Variants in SLA observed in about 807,000 individuals in gnomAD.
The protein encoded by SLA is Src like adaptor.
Under a neutral mutation model 30.3 loss-of-function variants are expected in SLA, and 16 were observed. The observed-to-expected ratio is 0.53, with a 90% confidence interval of 0.36 to 0.80. SLA has a LOEUF of 0.80. Ranked by LOEUF, SLA falls within the 30% of genes least tolerant of loss-of-function variation. The pLI is 0.01. For missense variants in SLA, 310 were observed against 345.2 expected, an observed-to-expected ratio of 0.90 and a Z score of 0.81; for synonymous variants, 143 against 137.8, an observed-to-expected ratio of 1.04 and a Z score of -0.26.
chr8:133,042,886 G>T (rs1014267726), intron 7 of SLA, among the ~76,000 whole-genome samples: 1 of 151,512 alleles, frequency 6.6e-6, no homozygotes, highest in African/African-American at 2.4e-5. Flanking sequence ...TGCAGACAGG[G>T]TTTCACCATG....
At chr8:133,052,726 G>GA (rs1215653047) in intron 3 of SLA, among the ~76,000 whole-genome samples, 5 of 152,116 alleles carry the variant, frequency 3.3e-5, no homozygotes, top group African/African-American at 7.2e-5. Context: ...TCCTCTTTAA[G>GA]AAAAAAATAC....
At chr8:133,045,295 A>G (rs1839114242) in intron 6 of SLA, among the ~76,000 whole-genome samples, 180 bp from the exon 7 acceptor site, 1 of 151,124 alleles carries the variant, frequency 6.6e-6, no homozygotes. Flanking sequence ...GCTTCCCGTT[A>G]GAGACTGCAG....
chr8:133,047,964 C>T (rs374634120), intron 5 of SLA, 31 bp from the exon 6 acceptor site: 53 of 1,374,864 alleles, frequency 3.9e-5, no homozygotes, highest in Middle Eastern at 5.0e-4. Flanking sequence ...CATTAGGATC[C>T]GGAACAAGCC....
chr8:133,087,085 C>T (rs1846695796), intron 1 of SLA, among the ~76,000 whole-genome samples: 1 of 75,866 alleles, frequency 1.3e-5, no homozygotes, highest in African/African-American at 4.7e-5. Flanking sequence ...CACACACACA[C>T]ACACACACAC....
intron 2 of SLA, among the ~76,000 whole-genome samples, chr8:133,066,182 C>T (rs150252764): frequency 2.0e-5 from 3 of 151,916 alleles, no homozygotes; most frequent in African/African-American, 4.8e-5. Flanking sequence ...ATAAATTAGC[C>T]GGGCGTGGTG....
chr8:133,099,889 C>T (rs1428874730), intron 1 of SLA, among the ~76,000 whole-genome samples: 1 of 152,192 alleles, frequency 6.6e-6, no homozygotes, highest in African/African-American at 2.4e-5. Flanking sequence ...TGCTAGCCCC[C>T]AACTCTCTCT....
At chr8:133,054,351 A>C (rs1235959638) in intron 3 of SLA, among the ~76,000 whole-genome samples, 1 of 152,200 alleles carries the variant, frequency 6.6e-6, no homozygotes, top group East Asian at 1.9e-4. Flanking sequence ...TTTTCGGGAA[A>C]GAGAATGGGG....
intron 1 of SLA, among the ~76,000 whole-genome samples, chr8:133,089,149 C>A (rs1181171092): frequency 6.6e-6 from 1 of 152,178 alleles, no homozygotes; most frequent in Non-Finnish European, 1.5e-5. Context: ...CCTTACAAGT[C>A]ACCGATGGGC....
chr8:133,062,233 C>T (rs1334878794), intron 2 of SLA, among the ~76,000 whole-genome samples: 1 of 152,188 alleles, frequency 6.6e-6, no homozygotes, highest in Non-Finnish European at 1.5e-5. Flanking sequence ...ACCAGAAAAA[C>T]ATGCGCACCC....
At chr8:133,044,140 A>T (rs942035339) in intron 7 of SLA, among the ~76,000 whole-genome samples, 1 of 152,204 alleles carries the variant, frequency 6.6e-6, no homozygotes, top group Non-Finnish European at 1.5e-5. Context: ...TGGATCTGGG[A>T]TAGAAACAGA....
chr8:133,081,335 G>A lies in SLA; in HGVS notation c.-318-6205C>T, dbSNP rs554189885. ...TGAAGGTTGTGCCTTTTGAATTAAA[G>A]TAAATAAATTGTGAATGGTGACTTT... On this transcript the variant is annotated intron_variant, in intron 1 of 8. Coordinates refer to ENST00000338087, the MANE Select transcript of SLA (RefSeq NM_001045556.3). Among the ~76,000 whole-genome samples the A allele has an allele frequency of 2.0e-5, 3 of 152,362 alleles. No homozygotes were observed. The South Asian group carries it at 6.2e-4, about 32-fold the overall frequency.
chr8:133,094,236 C>T (rs976755615), intron 1 of SLA, among the ~76,000 whole-genome samples: 3 of 128,920 alleles, frequency 2.3e-5, no homozygotes, highest in Admixed American at 8.4e-5. Context: ...AGAAACCTGT[C>T]GTTTTCTTTT....
intron 2 of SLA, among the ~76,000 whole-genome samples, chr8:133,061,830 G>A (rs1044389189): frequency 6.6e-6 from 1 of 152,108 alleles, no homozygotes; most frequent in Non-Finnish European, 1.5e-5. Flanking sequence ...TCAGAGCAAG[G>A]CCCTCCCCGG....
At chr8:133,058,688 G>A (rs1336627793) in intron 3 of SLA, among the ~76,000 whole-genome samples, 1 of 152,178 alleles carries the variant, frequency 6.6e-6, no homozygotes, top group Non-Finnish European at 1.5e-5. Context: ...TCTCCTGACA[G>A]CAGCAGCAGC....
intron 2 of SLA, among the ~76,000 whole-genome samples, chr8:133,071,798 C>T (rs1844090483): frequency 6.6e-6 from 1 of 152,158 alleles, no homozygotes; most frequent in Admixed American, 6.5e-5. Flanking sequence ...CGGCACATAC[C>T]ACGATTTGTC....
intron 3 of SLA, among the ~76,000 whole-genome samples, chr8:133,055,559 C>G (rs1437100073): frequency 6.6e-6 from 1 of 152,098 alleles, no homozygotes; most frequent in African/African-American, 2.4e-5. Flanking sequence ...GCCCACAAAG[C>G]TCTTTTCTGC....
intron 1 of SLA, among the ~76,000 whole-genome samples, chr8:133,090,700 C>A (rs1444060095): frequency 2.0e-5 from 3 of 152,190 alleles, no homozygotes; most frequent in African/African-American, 7.2e-5. Flanking sequence ...CTTTAATCTG[C>A]ACATCAGCTC....
Position 133,050,828 on chromosome 8 carries a change from C to G in SLA, c.149G>C (p.Arg50Pro). ...PPIFRRGEKL[R>P]VISDEGGWWK... is the part of the protein sequence containing the mutation. ...AGAGCTGACTCACTCAGAAATCACA[C>G]GCAGTTTCTCCCCTCGGCGGAATAT... is the stretch of plus-strand genomic sequence containing the variant. The change falls in exon 4 of 9, where the codon CGT (arginine) becomes CCT (proline). Residue 50 changes from arginine (R) to proline (P), a missense_variant. By Grantham distance (103) the Arg-to-Pro change is moderately radical. Coordinates refer to ENST00000338087, the MANE Select transcript of SLA (RefSeq NM_001045556.3). 1.2e-6 allele frequency: 2 copies of G among 1,607,160 alleles called. No individual in the cohort carries two copies. Among genetic ancestry groups the G allele is most frequent in the Non-Finnish European group, 1.7e-6 (2 of 1,173,580 alleles).
chr8:133,079,125 G>T (rs889864415), intron 1 of SLA, among the ~76,000 whole-genome samples: 1 of 152,148 alleles, frequency 6.6e-6, no homozygotes, highest in Non-Finnish European at 1.5e-5. Flanking sequence ...AGCAGGTGAT[G>T]CCCCCACCAA....
Sources: gnomAD v4.1 joint callset for allele counts (sites outside exome capture counted in the v4.1 genomes callset) on GRCh38, gnomAD v4.1.1 for gene constraint, MANE v1.5 for transcripts, NCBI Gene and HGNC (gene_info 2026-07-23, HGNC 2026-07-21) for gene names.